The following CTNNA3 variants were observed in gnomAD, a reference collection of about 807,000 sequenced individuals.
CTNNA3 encodes the protein catenin alpha-3.
Under a neutral mutation model 95.7 loss-of-function variants are expected in CTNNA3, and 76 were observed. That is an observed-to-expected ratio of 0.79 (90% CI 0.66 to 0.96). CTNNA3 has a LOEUF of 0.96. CTNNA3 is among the 40% of genes least tolerant of loss of function. The pLI, the probability that CTNNA3 is intolerant of heterozygous loss-of-function variation, is 0.00. For synonymous variants in CTNNA3, 431 were observed against 374.4 expected (o/e 1.15, Z -1.74); for missense variants, 1,191 against 1,089.8 (o/e 1.09, Z -1.31).
chr10:67,213,666 T>G (rs1420734425), intron 6 of CTNNA3, among the ~76,000 whole-genome samples: 1 of 151,786 alleles, frequency 6.6e-6, no homozygotes, highest in African/African-American at 2.4e-5. Flanking sequence ...GTTATAAGTA[T>G]TTTTTACTTT....
intron 3 of CTNNA3, among the ~76,000 whole-genome samples, chr10:67,589,717 G>C (rs1345443095): frequency 6.6e-6 from 1 of 152,034 alleles, no homozygotes; most frequent in African/African-American, 2.4e-5. Flanking sequence ...CATGTGAAAA[G>C]TTTTTAGTAG....
chr10:66,882,509 G>T (rs141669316), intron 7 of CTNNA3, among the ~76,000 whole-genome samples: 65 of 152,208 alleles, frequency 4.3e-4, no homozygotes, highest in Non-Finnish European at 8.7e-4. Context: ...TGTGCCAATG[G>T]CACCATGCAT....
At chr10:67,524,401 A>C (rs1423796791) in intron 4 of CTNNA3, among the ~76,000 whole-genome samples, 1 of 76,782 alleles carries the variant, frequency 1.3e-5, no homozygotes, top group Non-Finnish European at 2.4e-5. Flanking sequence ...GTCTCAAAAA[A>C]AAAAAAAAAA....
At chr10:67,619,526 C>T (rs924647725) in intron 2 of CTNNA3, among the ~76,000 whole-genome samples, 1 of 152,112 alleles carries the variant, frequency 6.6e-6, no homozygotes, top group Admixed American at 6.5e-5. Context: ...GAAGAAAACA[C>T]AGAAAGAGAA....
intron 12 of CTNNA3, among the ~76,000 whole-genome samples, chr10:66,323,391 C>T (rs1384719586): frequency 6.6e-6 from 1 of 151,874 alleles, no homozygotes; most frequent in Non-Finnish European, 1.5e-5. Flanking sequence ...CACCTGTAAT[C>T]CCAGCACTTT....
At position 65,966,698 on chromosome 10, in the gene CTNNA3, T is replaced by C. The variant is rs1461394154; in HGVS notation, c.2314A>G (p.Ile772Val). Reference protein sequence around the residue: ...KQDLLAYLEQIKFYSHQLKIC... With the variant: ...KQDLLAYLEQVKFYSHQLKIC... ...TTCAGTTGGTGGGAGTAGAACTTAA[T>C]CTGTTCCAGGTAGGCCAACAAGTCC... The change falls in exon 17 of 18, where the codon ATT becomes GTT. Residue 772 changes from isoleucine (I) to valine (V), a missense_variant. Ile to Val is a conservative substitution (Grantham distance 29). Transcript: ENST00000433211. 1.9e-6 allele frequency: 3 copies of C among 1,613,806 alleles called. No homozygotes were observed. Among genetic ancestry groups the C allele is most frequent in the Non-Finnish European group, 2.5e-6 (3 of 1,179,776 alleles).
intron 17 of CTNNA3, among the ~76,000 whole-genome samples, chr10:65,935,898 T>G (rs2077329612): frequency 6.6e-6 from 1 of 152,158 alleles, no homozygotes; most frequent in African/African-American, 2.4e-5. Flanking sequence ...AGGGCAGCGT[T>G]TATGAATGCA....
intron 12 of CTNNA3, among the ~76,000 whole-genome samples, chr10:66,321,031 C>T (rs916297165): frequency 6.6e-6 from 1 of 151,956 alleles, no homozygotes; most frequent in African/African-American, 2.4e-5. Flanking sequence ...GACCAATGCC[C>T]ATCACAAATA....
intron 11 of CTNNA3, among the ~76,000 whole-genome samples, chr10:66,398,380 A>G (rs916039982): frequency 1.3e-5 from 2 of 151,986 alleles, no homozygotes; most frequent in African/African-American, 4.8e-5. Flanking sequence ...AATTGGCATG[A>G]ATAGCAGTCA....
At chr10:66,403,838 C>A (rs1274056385) in intron 11 of CTNNA3, among the ~76,000 whole-genome samples, 1 of 152,172 alleles carries the variant, frequency 6.6e-6, no homozygotes, top group Non-Finnish European at 1.5e-5. Context: ...TCCTGGGCAT[C>A]AGCCAAGCTA....
chr10:65,976,819 T>G (rs1357335983), intron 16 of CTNNA3, among the ~76,000 whole-genome samples: 1 of 152,092 alleles, frequency 6.6e-6, no homozygotes, highest in East Asian at 1.9e-4. Context: ...TCAGGTTACT[T>G]GGATTTTTTT....
intron 9 of CTNNA3, among the ~76,000 whole-genome samples, chr10:66,725,725 T>C (rs941706904): frequency 2.0e-5 from 3 of 152,146 alleles, no homozygotes; most frequent in Non-Finnish European, 4.4e-5. Flanking sequence ...GTAATGTTGA[T>C]CTATCTGGTT....
intron 7 of CTNNA3, chr10:67,052,660 T>C (rs1855182785): frequency 6.6e-6 from 1 of 152,112 alleles, no homozygotes; most frequent in Non-Finnish European, 1.5e-5. Flanking sequence ...ATTAAGAGGA[T>C]GAGGAGAAAG....
intron 2 of CTNNA3, among the ~76,000 whole-genome samples, chr10:67,618,216 A>G (rs1301308590): frequency 2.6e-5 from 4 of 152,180 alleles, no homozygotes; most frequent in Non-Finnish European, 1.5e-5. Flanking sequence ...GCAAAACAAA[A>G]AGTAAAAAAT....
intron 10 of CTNNA3, among the ~76,000 whole-genome samples, chr10:66,528,567 A>C (rs1841350732): frequency 6.6e-6 from 1 of 152,108 alleles, no homozygotes; most frequent in African/African-American, 2.4e-5. Context: ...ATTCTAGTAA[A>C]ACCTGCCACA....
chr10:67,068,238 G>C (rs1308601690), intron 7 of CTNNA3, among the ~76,000 whole-genome samples: 1 of 152,090 alleles, frequency 6.6e-6, no homozygotes, highest in East Asian at 1.9e-4. Flanking sequence ...GACTGGATGT[G>C]GAAAGAGGAA....
At chr10:66,872,434 C>T (rs892713771) in intron 7 of CTNNA3, among the ~76,000 whole-genome samples, 133 of 152,074 alleles carry the variant, frequency 8.7e-4, no homozygotes, top group African/African-American at 3.2e-3. Flanking sequence ...TTTGGGAGGC[C>T]GAGGCAGGTG....
chr10:67,448,043 G>A (rs75221295), intron 5 of CTNNA3, among the ~76,000 whole-genome samples: 2,665 of 152,274 alleles, frequency 0.018, 82 homozygotes, highest in African/African-American at 0.061. Flanking sequence ...AGAAACACCT[G>A]AGCAAGAATT....
chr10:66,487,184 T>A (rs1489685633), intron 11 of CTNNA3, among the ~76,000 whole-genome samples: 3 of 23,538 alleles, frequency 1.3e-4, no homozygotes, highest in African/African-American at 3.8e-4. Context: ...AGGGCAGATT[T>A]TTTTTTTTTT....
Sources: allele counts gnomAD v4.1 joint callset (sites outside exome capture counted in the v4.1 genomes callset), GRCh38; gene constraint gnomAD v4.1.1; transcripts MANE v1.5; gene names NCBI Gene and HGNC (gene_info 2026-07-23, HGNC 2026-07-21).